VTI1A: variants seen among roughly 807,000 people sequenced by gnomAD.
The protein encoded by VTI1A is vesicle transport through interaction with t-SNAREs homolog 1A.
A neutral mutation model predicts 34.9 loss-of-function variants in VTI1A; 22 were observed. That is an observed-to-expected ratio of 0.63 (90% confidence interval 0.45 to 0.90). The LOEUF (loss-of-function observed/expected upper bound fraction) is 0.90. Among genes scored for constraint, VTI1A ranks in the 40% least tolerant of loss-of-function variants. The pLI is 0.00. For missense variants in VTI1A, 268 were observed against 275.6 expected (o/e 0.97, Z 0.20); for synonymous variants, 87 against 97.3 (o/e 0.89, Z 0.62).
intron 5 of VTI1A, among the ~76,000 whole-genome samples, chr10:112,568,927 G>A (rs1392150888): frequency 6.6e-6 from 1 of 152,066 alleles, no homozygotes; most frequent in Non-Finnish European, 1.5e-5. Context: ...GGCATATGTG[G>A]GCGGATCACC....
chr10:112,764,050 A>G (rs993680280), intron 7 of VTI1A, among the ~76,000 whole-genome samples: 1 of 152,214 alleles, frequency 6.6e-6, no homozygotes, highest in Non-Finnish European at 1.5e-5. Flanking sequence ...CATGCCTGCA[A>G]TGACTGTCTC....
At chr10:112,820,300 T>C (rs1289393364), downstream of VTI1A, among the ~76,000 whole-genome samples, 1 of 152,274 alleles carries the variant, frequency 6.6e-6, no homozygotes, top group Non-Finnish European at 1.5e-5. Context: ...GAAGGAAGGC[T>C]GGCTCTGTGA....
intron 7 of VTI1A, among the ~76,000 whole-genome samples, chr10:112,731,678 A>G (rs1326646636): frequency 1.3e-5 from 2 of 151,952 alleles, no homozygotes; most frequent in Non-Finnish European, 2.9e-5. Context: ...TTAATATTGC[A>G]TAGAATGAAA....
At chr10:112,605,479 A>G (rs1252095659) in intron 5 of VTI1A, among the ~76,000 whole-genome samples, 1 of 152,146 alleles carries the variant, frequency 6.6e-6, no homozygotes, top group African/African-American at 2.4e-5. Flanking sequence ...GCTGCTTCTG[A>G]GCGTGTGCTG....
chr10:112,517,647 C>T (rs1337318020), intron 3 of VTI1A, among the ~76,000 whole-genome samples: 3 of 152,028 alleles, frequency 2.0e-5, no homozygotes, highest in Non-Finnish European at 2.9e-5. Context: ...TATGTAGCTT[C>T]GATATGATCT....
chr10:112,848,106 G>A, the VTI1A span, among the ~76,000 whole-genome samples: 6 of 152,306 alleles, frequency 3.9e-5, no homozygotes, highest in South Asian at 2.1e-4. Context: ...AGACACAACC[G>A]CCATCATGAG....
intron 7 of VTI1A, chr10:112,752,515 A>G (rs1851138357): frequency 1.0e-6 from 1 of 985,312 alleles, no homozygotes; most frequent in Non-Finnish European, 1.2e-6. Context: ...GCTATTTGAG[A>G]AATCTTTGAA....
chr10:112,539,796 C>A (rs989982365), intron 5 of VTI1A, among the ~76,000 whole-genome samples: 4 of 151,888 alleles, frequency 2.6e-5, no homozygotes, highest in African/African-American at 9.7e-5. Flanking sequence ...TTTTATATAC[C>A]AAAAAACACA....
intron 3 of VTI1A, among the ~76,000 whole-genome samples, chr10:112,498,209 T>C (rs530440505): frequency 1.3e-5 from 2 of 152,336 alleles, no homozygotes; most frequent in East Asian, 3.9e-4. Flanking sequence ...GAAGAATTGG[T>C]CTTTCTATTT....
rs567379500 is a variant in VTI1A, at chr10:112,648,539, A to T, written c.428-19679A>T. On this transcript the variant is annotated intron_variant, in intron 5 of 7. Coordinates refer to ENST00000393077, the MANE Select transcript of VTI1A (RefSeq NM_145206.4). ...GTTAACCAACAATGAAGTTCATGAG[A>T]ATATTATACATAGTTCAAAAAGAGG... Among the ~76,000 whole-genome samples, 36 of 152,254 alleles carry T rather than the reference A, an allele frequency of 2.4e-4. No individual in the cohort carries two copies. In the South Asian group the frequency reaches 7.0e-3, roughly 30 times the overall value.
At chr10:112,473,726 C>T (rs1299056172) in intron 3 of VTI1A, among the ~76,000 whole-genome samples, 1 of 152,086 alleles carries the variant, frequency 6.6e-6, no homozygotes, top group African/African-American at 2.4e-5. Flanking sequence ...TGTTCTTTCT[C>T]CATATTTTCT....
chr10:112,740,281 ACTTTCTTT>A (rs60235413), intron 7 of VTI1A, among the ~76,000 whole-genome samples: 6 of 151,976 alleles, frequency 3.9e-5, no homozygotes, highest in African/African-American at 1.2e-4. Flanking sequence ...CCCTGTGAAC[ACTTTCTTT>A]CTTTCTTTCT....
chr10:112,761,396 A>G (rs1441318747), intron 7 of VTI1A, among the ~76,000 whole-genome samples: 2 of 152,206 alleles, frequency 1.3e-5, no homozygotes, highest in Non-Finnish European at 2.9e-5. Flanking sequence ...AGGCTTTTGT[A>G]CAAACAAGGA....
intron 1 of VTI1A, chr10:112,448,589 T>C (rs1847074652): frequency 6.7e-6 from 1 of 150,316 alleles, no homozygotes; most frequent in Admixed American, 6.7e-5. Context: ...AGAAAAGGGT[T>C]TTACATTTTT....
intron 5 of VTI1A, among the ~76,000 whole-genome samples, chr10:112,539,753 C>T (rs180722958): frequency 2.0e-4 from 31 of 152,194 alleles, no homozygotes; most frequent in Middle Eastern, 3.4e-3. Context: ...TATCTCCAAA[C>T]ATTCTTAAGA....
At chr10:112,790,638 A>C (rs1472592617) in intron 7 of VTI1A, among the ~76,000 whole-genome samples, 1 of 152,168 alleles carries the variant, frequency 6.6e-6, no homozygotes, top group African/African-American at 2.4e-5. Flanking sequence ...TAAAACCATC[A>C]TTCTAGCCAA....
At chr10:112,715,499 G>T (rs970798460) in intron 7 of VTI1A, among the ~76,000 whole-genome samples, 1 of 152,114 alleles carries the variant, frequency 6.6e-6, no homozygotes, top group Non-Finnish European at 1.5e-5. Context: ...CTTAGTTGGG[G>T]GATAAGACAG....
chr10:112,701,634 A>C (rs1849014483), intron 7 of VTI1A, among the ~76,000 whole-genome samples: 2 of 152,232 alleles, frequency 1.3e-5, no homozygotes, highest in South Asian at 2.1e-4. Flanking sequence ...AAATCTAGGT[A>C]GCACTGAGCC....
chr10:112,591,464 G>A (rs1035882423), intron 5 of VTI1A, among the ~76,000 whole-genome samples: 1 of 152,102 alleles, frequency 6.6e-6, no homozygotes, highest in Non-Finnish European at 1.5e-5. Flanking sequence ...AGCTTGCAGT[G>A]AGCAGAGATC....
Sources: gnomAD v4.1 joint callset for allele counts (sites outside exome capture counted in the v4.1 genomes callset) on GRCh38, gnomAD v4.1.1 for gene constraint, MANE v1.5 for transcripts, NCBI Gene and HGNC (gene_info 2026-07-23, HGNC 2026-07-21) for gene names.